The following EFHC2 variants were observed in gnomAD, a reference collection of about 807,000 sequenced individuals.
The protein encoded by EFHC2 is EF-hand domain containing 2, also known as EF-hand domain-containing family member C2.
A neutral mutation model predicts 52.7 loss-of-function variants in EFHC2; 18 were observed. The observed-to-expected ratio is 0.34, with a 90% CI of 0.24 to 0.51. The LOEUF is 0.51. Ranked by LOEUF, EFHC2 falls within the 20% of genes least tolerant of loss-of-function variation. The pLI is 0.97. For missense variants in EFHC2, 513 were observed against 562.5 expected, an observed-to-expected ratio of 0.91 and a Z score of 0.89; for synonymous variants, 203 against 204.1, an observed-to-expected ratio of 0.99 and a Z score of 0.04.
At chrX:44,324,783 G>C (rs2038042392) in intron 1 of EFHC2, among the ~76,000 whole-genome samples, 1 of 112,285 alleles carries the variant, frequency 8.9e-6, no homozygotes, top group African/African-American at 3.2e-5. Flanking sequence ...TCAGAATGCA[G>C]TTCATTCAAC....
At chrX:44,282,099 AT>A (rs1186823634) in intron 2 of EFHC2, among the ~76,000 whole-genome samples, 2 of 110,636 alleles carry the variant, frequency 1.8e-5, no homozygotes, top group Admixed American at 1.9e-4. Context: ...AGAAACTTGT[AT>A]GTGCAAAGAT....
chrX:44,165,694 C>T (rs1431955692), intron 13 of EFHC2, among the ~76,000 whole-genome samples: 2 of 111,432 alleles, frequency 1.8e-5, no homozygotes, highest in Non-Finnish European at 3.8e-5. Context: ...CTAAGAGTCA[C>T]TAGGGCATAT....
At position 44,178,504 on chromosome X, in the gene EFHC2, T is replaced by G. The variant is rs769163138; in HGVS notation, c.1812A>C (p.Ala604=). ...NLAEQEFVTI[A]RHYRVPEGTC... ...TGCCCTCAGGCACACGGTAGTGACGTGCAATGGTTACAAATTCTTGCTCTG... is the reference window on the plus strand; with the variant it reads ...TGCCCTCAGGCACACGGTAGTGACGGGCAATGGTTACAAATTCTTGCTCTG... Residue 604 remains alanine, a synonymous_variant, in exon 12 of 15, where the codon GCA becomes GCC. Coordinates refer to ENST00000420999, the MANE Select transcript of EFHC2 (RefSeq NM_025184.4). 1.7e-6 allele frequency: 2 copies of G among 1,203,940 alleles called. No individual in the cohort carries two copies. The highest frequency in any genetic ancestry group is 2.2e-6 in the Non-Finnish European group (2 of 893,219).
At chrX:44,152,081 A>C (rs2036574780) in intron 14 of EFHC2, among the ~76,000 whole-genome samples, 1 of 112,082 alleles carries the variant, frequency 8.9e-6, no homozygotes, top group Admixed American at 9.5e-5. Flanking sequence ...ATGATAAACT[A>C]GTTGCAGATT....
chrX:44,232,059 G>T (rs2037282278), intron 10 of EFHC2, among the ~76,000 whole-genome samples: 1 of 112,718 alleles, frequency 8.9e-6, no homozygotes, highest in Non-Finnish European at 1.9e-5. Context: ...TTCCCTTGAG[G>T]TTTCTGTTTG....
intron 2 of EFHC2, among the ~76,000 whole-genome samples, chrX:44,292,293 T>C (rs1336261850): frequency 4.5e-5 from 5 of 111,297 alleles, no homozygotes; most frequent in Non-Finnish European, 9.4e-5. Flanking sequence ...ACAGAGTGTT[T>C]CAGATGTTTT....
chrX:44,181,921 C>T (rs1459884273), intron 11 of EFHC2, among the ~76,000 whole-genome samples: 1 of 112,847 alleles, frequency 8.9e-6, no homozygotes, highest in African/African-American at 3.2e-5. Context: ...AAAAGTCACA[C>T]ATTCCATTTT....
At chrX:44,263,230 G>T (rs774454161) in intron 3 of EFHC2, among the ~76,000 whole-genome samples, 1 of 112,234 alleles carries the variant, frequency 8.9e-6, no homozygotes, top group Non-Finnish European at 1.9e-5. Context: ...CTGCATGGAG[G>T]TATTTTAATA....
intron 3 of EFHC2, among the ~76,000 whole-genome samples, chrX:44,265,383 C>T (rs2037569117): frequency 9.0e-6 from 1 of 111,154 alleles, no homozygotes. Context: ...GCGATCCTCC[C>T]TACCTCAACC....
At chrX:44,242,967 A>C (rs1172827084) in intron 7 of EFHC2, among the ~76,000 whole-genome samples, 2 of 112,246 alleles carry the variant, frequency 1.8e-5, no homozygotes, top group African/African-American at 6.5e-5. Flanking sequence ...CAAAACAGAA[A>C]AAGAAAAAAC....
intron 11 of EFHC2, among the ~76,000 whole-genome samples, chrX:44,218,172 G>T (rs758882275): frequency 1.8e-5 from 2 of 111,220 alleles, no homozygotes; most frequent in Non-Finnish European, 3.8e-5. Context: ...AAGATCATTG[G>T]TATCCAGCAT....
At chrX:44,264,467 A>C (rs1172357552) in intron 3 of EFHC2, among the ~76,000 whole-genome samples, 1 of 110,844 alleles carries the variant, frequency 9.0e-6, no homozygotes, top group Admixed American at 9.6e-5. Context: ...AAGCCCCCCA[A>C]CTCTTCCTTC....
At chrX:44,186,344 T>A (rs66531006) in intron 11 of EFHC2, among the ~76,000 whole-genome samples, 20,737 of 111,575 alleles carry the variant, frequency 0.19, 1,640 homozygotes, top group Admixed American at 0.32. Context: ...TTTTTAGTTT[T>A]GTTTTTTAAA....
intron 11 of EFHC2, among the ~76,000 whole-genome samples, chrX:44,227,826 C>T (rs1302907015): frequency 9.0e-6 from 1 of 111,677 alleles, no homozygotes; most frequent in Non-Finnish European, 1.9e-5. Context: ...TGGGAGTTGG[C>T]ATTTGAGATG....
intron 7 of EFHC2, among the ~76,000 whole-genome samples, chrX:44,244,056 G>A (rs1338827284): frequency 8.9e-6 from 1 of 111,856 alleles, no homozygotes; most frequent in Non-Finnish European, 1.9e-5. Flanking sequence ...GACACATATT[G>A]AATCTCAAAG....
intron 2 of EFHC2, among the ~76,000 whole-genome samples, chrX:44,311,376 A>T (rs1428574274): frequency 8.9e-6 from 1 of 112,298 alleles, no homozygotes; most frequent in Non-Finnish European, 1.9e-5. Context: ...TTAGAATCAA[A>T]GTACTGCCAA....
At chrX:44,230,978 A>C in intron 10 of EFHC2, among the ~76,000 whole-genome samples, 1 of 111,945 alleles carries the variant, frequency 8.9e-6, no homozygotes, top group Non-Finnish European at 1.9e-5. Context: ...AAGGTCCCTC[A>C]GCTATTAATG....
chrX:44,243,256 TAAAAC>T (rs913610056), intron 7 of EFHC2, among the ~76,000 whole-genome samples: 3 of 112,008 alleles, frequency 2.7e-5, no homozygotes, highest in Non-Finnish European at 3.8e-5. Flanking sequence ...ACATCTTTCC[TAAAAC>T]AAAACAAAAC....
At chrX:44,286,735 C>T (rs2037751299) in intron 2 of EFHC2, among the ~76,000 whole-genome samples, 1 of 110,604 alleles carries the variant, frequency 9.0e-6, no homozygotes, top group African/African-American at 3.3e-5. Context: ...AAAAATCGGC[C>T]GGGCATGGTG....
Sources: gnomAD v4.1 joint callset for allele counts (sites outside exome capture counted in the v4.1 genomes callset) on GRCh38, gnomAD v4.1.1 for gene constraint, MANE v1.5 for transcripts, NCBI Gene and HGNC (gene_info 2026-07-23, HGNC 2026-07-21) for gene names.